Variants in MYH9 observed in about 807,000 individuals in gnomAD.
MYH9 encodes myosin-9.
A neutral mutation model predicts 241.9 loss-of-function variants in MYH9; 29 were observed. The observed-to-expected ratio is 0.12, with a 90% CI of 0.09 to 0.16. The LOEUF (loss-of-function observed/expected upper bound fraction) is 0.16. MYH9 is among the 10% of genes least tolerant of loss of function. The probability of loss-of-function intolerance (pLI) is 1.00; values close to 1 mark genes in which losing one functional copy is unlikely to be tolerated. For missense variants in MYH9, 1,803 were observed against 2,595.5 expected (o/e 0.69, Z 6.63); for synonymous variants, 1,047 against 1,062.6 (o/e 0.99, Z 0.29).
At chr22:36,372,674 G>C (rs916633928) in intron 1 of MYH9, among the ~76,000 whole-genome samples, 1 of 152,158 alleles carries the variant, frequency 6.6e-6, no homozygotes, top group Non-Finnish European at 1.5e-5. Flanking sequence ...CAGGCTGGAG[G>C]GGAGGACGCA....
chr22:36,370,948 T>C (rs1409538115), intron 1 of MYH9, among the ~76,000 whole-genome samples: 2 of 152,294 alleles, frequency 1.3e-5, no homozygotes, highest in Middle Eastern at 3.4e-3. Context: ...ATACTTTAGC[T>C]ACCCAGAGAA....
At position 36,300,960 on chromosome 22, in the gene MYH9, T is replaced by C; in HGVS notation, c.2729A>G (p.Lys910Arg). The part of the protein sequence containing the change: ...EELRARLTAK[K>R]QELEEICHDL... ...ATGGCAGATCTCTTCTAATTCCTGCTTCTTGGCGGTCAGGCGGGCCCGGAG... is the reference window on the plus strand; with the variant it reads ...ATGGCAGATCTCTTCTAATTCCTGCCTCTTGGCGGTCAGGCGGGCCCGGAG... Residue 910 changes from lysine to arginine, a missense_variant, in exon 22 of 41, where the codon AAG becomes AGG. Coordinates refer to ENST00000216181, the MANE Select transcript of MYH9 (RefSeq NM_002473.6). This position sits in a 1 kb window ranked among gnomAD's most constrained non-coding sequence, Gnocchi z 5.0. 4 of 1,611,688 alleles carry C rather than the reference T, an allele frequency of 2.5e-6. No homozygotes were observed. Among genetic ancestry groups the C allele is most frequent in the Non-Finnish European group, 3.4e-6 (4 of 1,180,012 alleles).
intron 15 of MYH9, chr22:36,308,721 G>GC (rs2017011458): frequency 2.6e-6 from 2 of 763,660 alleles, no homozygotes; most frequent in Non-Finnish European, 1.6e-6. Context: ...GGCAAGGGGG[G>GC]GCGCGAGAAA....
intron 21 of MYH9, 109 bp downstream of exon 21, chr22:36,301,425 A>G: frequency 1.4e-6 from 2 of 1,459,352 alleles, no homozygotes; most frequent in Non-Finnish European, 1.9e-6. Context: ...CAGTTGTAGA[A>G]AACTCCTATA....
In MYH9 at chr22:36,284,516, A is replaced by G. The variant is rs752580965; in HGVS notation, c.5484-5T>C. The G allele has an allele frequency of 6.2e-7, 1 of 1,611,838 alleles. No homozygotes were observed. Among genetic ancestry groups the G allele is most frequent in the Non-Finnish European group, 8.5e-7 (1 of 1,179,966 alleles). On this transcript the variant is annotated splice_polypyrimidine_tract_variant and splice_region_variant and intron_variant, in intron 38 of 40. Transcript: ENST00000216181. Reference sequence around the variant, plus strand: ...TTGCAGGCTGCCTGGCGCTCCCTGCATGACAGACAAGGTGGCTCAGAGGGA... The same window carrying G: ...TTGCAGGCTGCCTGGCGCTCCCTGCGTGACAGACAAGGTGGCTCAGAGGGA...
intron 2 of MYH9, among the ~76,000 whole-genome samples, chr22:36,344,231 C>T (rs905580850): frequency 1.3e-5 from 2 of 152,266 alleles, no homozygotes; most frequent in Non-Finnish European, 1.5e-5. Flanking sequence ...CCACGCGGCG[C>T]GGCCACGACA....
rs1050342407 is a variant in MYH9 at position 36,330,544 on chromosome 22, G to T, written c.491-3056C>A. Among the ~76,000 whole-genome samples the T allele has an allele frequency of 3.3e-5, 5 of 152,152 alleles. No homozygotes were observed. Among genetic ancestry groups the T allele is most frequent in the Admixed American group, 1.3e-4 (2 of 15,268 alleles). ...TCTGGATTTGTTCCTGATCTCAGAG[G>T]CATCTCTTCTGGGCAGTGGGGTGGT... On this transcript the variant is annotated intron_variant, in intron 3 of 40. Transcript: ENST00000216181. This position sits in a 1 kb window ranked among gnomAD's most constrained non-coding sequence, Gnocchi z 4.5.
rs149030283 is a variant in MYH9, at chr22:36,357,366, T to A, written c.-19-8111A>T. 4.9e-4 allele frequency among the ~76,000 whole-genome samples: 75 copies of A among 152,232 alleles called. No individual in the cohort carries two copies. In the East Asian group the frequency reaches 7.3e-3, roughly 15 times the overall value. ...ACAGGAAGAAGGTACGATCGCTCAATAACCACATACAAAACGATGCCACGG... is the reference window on the plus strand; with the variant it reads ...ACAGGAAGAAGGTACGATCGCTCAAAAACCACATACAAAACGATGCCACGG... On this transcript the variant is annotated intron_variant, in intron 1 of 40. Coordinates refer to ENST00000216181, the MANE Select transcript of MYH9 (RefSeq NM_002473.6).
In MYH9 at chr22:36,368,601, T is replaced by C. The variant is rs78856546; in HGVS notation, c.-20+19206A>G. 7.1e-3 allele frequency among the ~76,000 whole-genome samples: 1,080 copies of C among 152,334 alleles called. 14 individuals carry two copies. The highest frequency in any genetic ancestry group is 0.024 in the African/African-American group (1,007 of 41,574). ...GCCAAAGCACCAGTATCTGTCCTCC[T>C]GTCTGCTACCAATCCCCTCCAGCAG... On this transcript the variant is annotated intron_variant, in intron 1 of 40. Transcript: ENST00000216181.
intron 1 of MYH9, 21 bp from the exon 2 acceptor site, chr22:36,349,276 CA>C: frequency 6.4e-7 from 1 of 1,562,642 alleles, no homozygotes. Flanking sequence ...AGGAGAAGGA[CA>C]ACACATTACA....
chr22:36,286,254 C>CG (rs2016578547), intron 35 of MYH9, among the ~76,000 whole-genome samples: 1 of 152,240 alleles, frequency 6.6e-6, no homozygotes, highest in African/African-American at 2.4e-5. Flanking sequence ...TCACTCAGGG[C>CG]GGCCCCTCCC....
intron 1 of MYH9, among the ~76,000 whole-genome samples, chr22:36,356,731 C>A (rs1003976433): frequency 6.6e-6 from 1 of 151,960 alleles, no homozygotes; most frequent in African/African-American, 2.4e-5. Context: ...CATAAAGATC[C>A]CAGGGGGTTT....
At chr22:36,294,362 A>T (rs912789742) in intron 27 of MYH9, 64 bp from the exon 28 acceptor site, 10 of 1,542,654 alleles carry the variant, frequency 6.5e-6, no homozygotes, top group Non-Finnish European at 8.9e-6. Flanking sequence ...CTGGTCTATC[A>T]TCACTGGACC....
At chr22:36,342,919 A>G (rs1187537137) in intron 2 of MYH9, among the ~76,000 whole-genome samples, 1 of 152,236 alleles carries the variant, frequency 6.6e-6, no homozygotes, top group Non-Finnish European at 1.5e-5. Context: ...CACGGAGGCC[A>G]GTTCTCCGAG....
chr22:36,299,084 C>T (rs1208193951), intron 23 of MYH9, 42 bp from the exon 24 acceptor site: 4 of 1,613,028 alleles, frequency 2.5e-6, no homozygotes, highest in Non-Finnish European at 2.5e-6. Context: ...GTTGGTTGAG[C>T]ACAGAACACT....
rs775451903 is a variant in MYH9 at position 36,285,241 on chromosome 22, T to C, written c.5363A>G (p.Lys1788Arg). ...NARQQLERQN[K>R]ELKVKLQEME... ...CTCCTGCAGCTTGACCTTAAGCTCC[T>C]TGTTCTGGCGTTCCAGCTGCTGCCG... Residue 1788 changes from lysine (K) to arginine (R), a missense_variant, in exon 38 of 41, where the codon AAG becomes AGG. Lys to Arg is a conservative substitution (Grantham distance 26). This residue lies in a region of MYH9 where 876 missense variants were observed against 1,077.8 expected (regional missense o/e 0.81). Coordinates refer to ENST00000216181, the MANE Select transcript of MYH9 (RefSeq NM_002473.6). The surrounding 1 kb of genome is among the most constrained non-coding windows in gnomAD (Gnocchi z 7.0). The C allele has an allele frequency of 6.8e-6, 11 of 1,614,220 alleles. No individual in the cohort carries two copies. Among genetic ancestry groups the C allele is most frequent in the Admixed American group, 1.7e-5 (1 of 60,024 alleles).
chr22:36,282,721 C>A lies in MYH9; in HGVS notation c.5830G>T (p.Asp1944Tyr), dbSNP rs777918996. The change falls in exon 41 of 41, where the codon GAC (aspartate) becomes TAC (tyrosine). Residue 1944 changes from aspartate to tyrosine, a missense_variant. Around this residue, in one of 11 missense-constraint regions of MYH9, gnomAD observed 876 missense variants for 1,077.8 expected, o/e 0.81. Coordinates refer to ENST00000216181, the MANE Select transcript of MYH9 (RefSeq NM_002473.6). ...MARKGAGDGS[D>Y]EEVDGKADGA... Reference sequence around the variant, plus strand: ...TCCGCTTTGCCATCTACCTCTTCGTCGGAGCCATCCCCGGCGCCTTTCCGG... The same window carrying A: ...TCCGCTTTGCCATCTACCTCTTCGTAGGAGCCATCCCCGGCGCCTTTCCGG... 6.8e-6 allele frequency: 11 copies of A among 1,613,852 alleles called. No individual in the cohort carries two copies. The South Asian group carries it at 1.2e-4, about 18-fold the overall frequency.
intron 5 of MYH9, chr22:36,324,953 T>A: frequency 1.5e-6 from 1 of 672,254 alleles, no homozygotes; most frequent in Admixed American, 2.3e-5. Context: ...GCTCTCCGTG[T>A]CCTGTCTCCT....
At position 36,320,524 on chromosome 22, in the gene MYH9, C is replaced by G. The variant is rs1405152165; in HGVS notation, c.869-161G>C. On this transcript the variant is annotated intron_variant, in intron 8 of 40. Transcript: ENST00000216181. The surrounding 1 kb of genome is among the most constrained non-coding windows in gnomAD (Gnocchi z 4.8). ...AGTGACGTTCAGCTTTCCTCAGTGT[C>G]TGAGACTCTGACACTCCCGTCTCCT... is the stretch of plus-strand genomic sequence containing the variant. 6.6e-6 allele frequency among the ~76,000 whole-genome samples: 1 copy of G among 152,200 alleles called. No homozygotes were observed. The highest frequency in any genetic ancestry group is 2.4e-5 in the African/African-American group (1 of 41,450).
Sources: gnomAD v4.1 joint callset for allele counts (sites outside exome capture counted in the v4.1 genomes callset) on GRCh38, gnomAD v4.1.1 for gene constraint, gnomAD v4.1.1 regional missense constraint, Gnocchi (gnomAD v3.1) non-coding constraint, MANE v1.5 for transcripts, NCBI Gene and HGNC (gene_info 2026-07-23, HGNC 2026-07-21) for gene names.